Variants in HDLBP observed in about 807,000 individuals in gnomAD.
The protein encoded by HDLBP is vigilin.
HDLBP carries 30 observed loss-of-function variants against 137.3 expected under a neutral mutation model. That is an observed-to-expected ratio of 0.22 (90% CI 0.16 to 0.30). The LOEUF (loss-of-function observed/expected upper bound fraction) is 0.30. Among genes scored for constraint, HDLBP ranks in the 10% least tolerant of loss-of-function variants. The pLI is 1.00. For synonymous variants in HDLBP, 606 were observed against 596.0 expected (o/e 1.02, Z -0.24); for missense variants, 1,119 against 1,667.3 (o/e 0.67, Z 5.73).
At chr2:241,281,535 G>A (rs959879422) in intron 1 of HDLBP, among the ~76,000 whole-genome samples, 6 of 152,058 alleles carry the variant, frequency 3.9e-5, no homozygotes, top group Admixed American at 1.3e-4. Context: ...AAATAAAAAA[G>A]AGGATAGGAC....
intron 1 of HDLBP, among the ~76,000 whole-genome samples, chr2:241,310,242 A>G (rs944183654): frequency 6.6e-6 from 1 of 152,238 alleles, no homozygotes; most frequent in African/African-American, 2.4e-5. Context: ...AAACCTTGGT[A>G]GAAGGGCTGG....
intron 1 of HDLBP, among the ~76,000 whole-genome samples, chr2:241,288,930 G>A (rs910953208): frequency 1.3e-5 from 2 of 152,124 alleles, no homozygotes; most frequent in East Asian, 3.8e-4. Flanking sequence ...TTTGAAGTTT[G>A]ACCCAGGGCA....
intron 1 of HDLBP, among the ~76,000 whole-genome samples, chr2:241,290,417 CCTGA>C (rs1367596657): frequency 1.3e-5 from 2 of 152,088 alleles, no homozygotes; most frequent in African/African-American, 4.8e-5. Flanking sequence ...TCGAGACCAG[CCTGA>C]CCAACATGGA....
intron 16 of HDLBP, among the ~76,000 whole-genome samples, chr2:241,244,184 G>A (rs1443490731): frequency 4.6e-5 from 7 of 152,150 alleles, no homozygotes; most frequent in Middle Eastern, 3.4e-3. Context: ...AACCAATATC[G>A]CTCCTCCCCT....
chr2:241,293,660 C>T (rs573605095), intron 1 of HDLBP, among the ~76,000 whole-genome samples: 3 of 151,056 alleles, frequency 2.0e-5, no homozygotes, highest in African/African-American at 7.3e-5. Context: ...TGACTCACAC[C>T]TGTAATCCCA....
At position 241,233,761 on chromosome 2, in the gene HDLBP, G is replaced by C; in HGVS notation, c.3288+59C>G. The stretch of plus-strand genomic sequence containing the variant: ...AGGCACATCTGGTTACTGCTCCCAA[G>C]TCACAGGAAAGGTCAACAAGCACCT... On this transcript the variant is annotated intron_variant, in intron 24 of 27. Coordinates refer to ENST00000310931, the MANE Select transcript of HDLBP (RefSeq NM_005336.6). The surrounding 1 kb of genome is among the most constrained non-coding windows in gnomAD (Gnocchi z 4.3). The C allele has an allele frequency of 6.2e-7, 1 of 1,603,718 alleles. No homozygotes were observed. Among genetic ancestry groups the C allele is most frequent in the Non-Finnish European group, 8.5e-7 (1 of 1,172,916 alleles).
intron 4 of HDLBP, among the ~76,000 whole-genome samples, chr2:241,263,247 TCCTGAAGCA>T (rs750788332): frequency 2.0e-5 from 3 of 152,200 alleles, no homozygotes; most frequent in Non-Finnish European, 2.9e-5. Context: ...GGAAACACCG[TCCTGAAGCA>T]CGAGGCAGCT....
chr2:241,259,851 G>A (rs375653398), intron 5 of HDLBP, among the ~76,000 whole-genome samples: 2 of 152,096 alleles, frequency 1.3e-5, no homozygotes, highest in East Asian at 1.9e-4. Flanking sequence ...TAGTTGCGAC[G>A]TGCACCTATG....
chr2:241,296,205 A>T (rs2149674316), intron 1 of HDLBP, among the ~76,000 whole-genome samples: 1 of 152,130 alleles, frequency 6.6e-6, no homozygotes, highest in African/African-American at 2.4e-5. Flanking sequence ...GAGGCACTTG[A>T]TGCATGAAAC....
In HDLBP at chr2:241,248,384, A is replaced by G. The variant is rs928553848; in HGVS notation, c.1513-36T>C. The G allele has an allele frequency of 1.0e-5, 16 of 1,528,994 alleles. No homozygotes were observed. The African/African-American group carries it at 2.2e-4, about 21-fold the overall frequency. 94.7% of individuals were successfully genotyped at this position (1,528,994 alleles called of 1,614,324 possible). A position where few individuals can be genotyped will look rare whatever the true frequency, so the allele number is the denominator to read the frequency against. ...AATTAAAGTAGATGTCATTTATCACAAGCACGGCGAGCAACTCCCCACTGA... is the reference window on the plus strand; with the variant it reads ...AATTAAAGTAGATGTCATTTATCACGAGCACGGCGAGCAACTCCCCACTGA... On this transcript the variant is annotated intron_variant, in intron 12 of 27. Coordinates refer to ENST00000310931, the MANE Select transcript of HDLBP (RefSeq NM_005336.6).
In HDLBP at chr2:241,242,460, C is replaced by G. The variant is rs745427451; in HGVS notation, c.2169G>C (p.Lys723Asn). The change falls in exon 17 of 28, where the codon AAG becomes AAC. Residue 723 changes from lysine to asparagine, a missense_variant and splice_region_variant. This residue lies in a region of HDLBP where 618 missense variants were observed against 816.7 expected (regional missense o/e 0.76). Coordinates refer to ENST00000310931, the MANE Select transcript of HDLBP (RefSeq NM_005336.6). ...AGTCACGCTCCCTCCCCATGCTCACCTTCTCCTCCGCCAGATGCAGGAGCT... is the reference window on the plus strand; with the variant it reads ...AGTCACGCTCCCTCCCCATGCTCACGTTCTCCTCCGCCAGATGCAGGAGCT... Reference protein sequence around the residue: ...KKQLLHLAEEKQTKSFTVDIR... With the variant: ...KKQLLHLAEENQTKSFTVDIR... The G allele has an allele frequency of 6.2e-7, 1 of 1,613,256 alleles. No individual in the cohort carries two copies. The highest frequency in any genetic ancestry group is 1.3e-5 in the African/African-American group (1 of 75,032).
Position 241,264,425 on chromosome 2 carries a change from AAAAG to A in HDLBP, c.234+19_234+22del. 6.5e-7 allele frequency: 1 copy of A among 1,541,278 alleles called. No homozygotes were observed. The highest frequency in any genetic ancestry group is 8.8e-7 in the Non-Finnish European group (1 of 1,136,922). On this transcript the variant is annotated intron_variant, in intron 4 of 27. Coordinates refer to ENST00000310931, the MANE Select transcript of HDLBP (RefSeq NM_005336.6). ...AGACATGTTACATGATAAAATTTTT[AAAAG>A]AAAGAATGGTGTTTCTACCTGAGTG...
At chr2:241,280,478 A>G (rs1255255246) in intron 1 of HDLBP, among the ~76,000 whole-genome samples, 1 of 152,208 alleles carries the variant, frequency 6.6e-6, no homozygotes, top group Non-Finnish European at 1.5e-5. Context: ...TTTCTCCACT[A>G]ACTAATTCTG....
intron 1 of HDLBP, chr2:241,269,443 T>C (rs1423648852): frequency 1.3e-5 from 2 of 151,956 alleles, no homozygotes; most frequent in Non-Finnish European, 2.9e-5. Context: ...TCCAGTAGAC[T>C]GGATTAAAGG....
chr2:241,247,792 C>T (rs1198287418), intron 14 of HDLBP, among the ~76,000 whole-genome samples: 3 of 152,166 alleles, frequency 2.0e-5, no homozygotes, highest in South Asian at 4.1e-4. Context: ...ACAAACACTG[C>T]AGTCTTAACA....
intron 11 of HDLBP, among the ~76,000 whole-genome samples, chr2:241,251,773 G>A (rs1432561449): frequency 6.6e-6 from 1 of 152,184 alleles, no homozygotes; most frequent in Non-Finnish European, 1.5e-5. Context: ...TCAGCAGTTT[G>A]ACACCAGCCT....
At chr2:241,262,410 T>C (rs1017605370) in intron 5 of HDLBP, among the ~76,000 whole-genome samples, 14 of 152,090 alleles carry the variant, frequency 9.2e-5, no homozygotes, top group African/African-American at 2.9e-4. Flanking sequence ...CACTTGTGAA[T>C]AGCCACTGCA....
chr2:241,245,225 C>G (rs1472816172), intron 16 of HDLBP, among the ~76,000 whole-genome samples: 1 of 151,220 alleles, frequency 6.6e-6, no homozygotes, highest in Non-Finnish European at 1.5e-5. Flanking sequence ...GCTCTATGGC[C>G]CAGGCTGGAG....
chr2:241,309,070 C>A (rs547385744), intron 1 of HDLBP, among the ~76,000 whole-genome samples: 1 of 152,194 alleles, frequency 6.6e-6, no homozygotes, highest in Non-Finnish European at 1.5e-5. Context: ...TTCCCCAGAT[C>A]GCTGCCCATG....
Sources: gnomAD v4.1 joint callset for allele counts (sites outside exome capture counted in the v4.1 genomes callset) on GRCh38, gnomAD v4.1.1 for gene constraint, gnomAD v4.1.1 regional missense constraint, Gnocchi (gnomAD v3.1) non-coding constraint, MANE v1.5 for transcripts, NCBI Gene and HGNC (gene_info 2026-07-23, HGNC 2026-07-21) for gene names.